The following HERC2 variants were observed in gnomAD, a reference collection of about 807,000 sequenced individuals.
HERC2 encodes HECT and RLD domain containing E3 ubiquitin protein ligase 2.
Under a neutral mutation model 537.7 loss-of-function variants are expected in HERC2, and 102 were observed. The observed-to-expected ratio is 0.19, with a 90% CI of 0.16 to 0.22. HERC2 has a LOEUF of 0.22. Among genes scored for constraint, HERC2 ranks in the 10% least tolerant of loss-of-function variants. The probability of loss-of-function intolerance (pLI) is 1.00; values close to 1 mark genes in which losing one functional copy is unlikely to be tolerated. For synonymous variants in HERC2, 2,224 were observed against 2,466.2 expected (o/e 0.90, Z 2.91); for missense variants, 4,236 against 6,198.2 (o/e 0.68, Z 10.63).
chr15:28,231,975 G>A lies in HERC2; in HGVS notation c.4675+1171C>T, dbSNP rs186708756. 9.9e-3 allele frequency among the ~76,000 whole-genome samples: 1,500 copies of A among 152,248 alleles called. 10 individuals carry two copies. The highest frequency in any genetic ancestry group is 0.015 in the Non-Finnish European group (989 of 68,022). ...ATGTGGAGTCTCTCTCCCTCATGCC[G>A]AGGCAGCCTGTCTCCTGGGCCCAGG... On this transcript the variant is annotated intron_variant, in intron 30 of 92. Transcript: ENST00000261609.
At chr15:28,233,057 T>C in intron 30 of HERC2, 89 bp downstream of exon 30, 5 of 943,524 alleles carry the variant, frequency 5.3e-6, no homozygotes, top group East Asian at 4.8e-5. Flanking sequence ...GAATCAACAG[T>C]AGAGAAACTT....
rs187941786 is a variant in HERC2, at chr15:28,317,978, A to T, written c.72+3384T>A. ...GTGCCACTTAAAAAAGAACACAAAA[A>T]TAGAAACTGTAGGAAATTCATCTGA... On this transcript the variant is annotated intron_variant, in intron 2 of 92. Transcript: ENST00000261609. Among the ~76,000 whole-genome samples the T allele has an allele frequency of 1.8e-4, 28 of 152,304 alleles. No individual in the cohort carries two copies. In the East Asian group the frequency reaches 5.0e-3, roughly 27 times the overall value.
chr15:28,300,746 C>A (rs1292960874), intron 2 of HERC2, among the ~76,000 whole-genome samples: 1 of 126,962 alleles, frequency 7.9e-6, no homozygotes, highest in Non-Finnish European at 1.6e-5. Flanking sequence ...TAGCATGAAC[C>A]CAGGAGGCAG....
Position 28,175,540 on chromosome 15 carries a change from T to G in HERC2, c.9803A>C (p.His3268Pro). ...CCCCGAGTCCGTGACCGCCAGGCAG[T>G]GCAGGGCCCCGACAGCCACATGCAC... The part of the protein sequence containing the change: ...KIVHVAVGAL[H>P]CLAVTDSGQV... Residue 3268 changes from histidine (H) to proline (P), a missense_variant, in exon 64 of 93, where the codon CAC becomes CCC. By Grantham distance (77) the His-to-Pro change is moderately conservative. Coordinates refer to ENST00000261609, the MANE Select transcript of HERC2 (RefSeq NM_004667.6). 1 of 1,613,594 alleles carries G rather than the reference T, an allele frequency of 6.2e-7. No homozygotes were observed. Among genetic ancestry groups the G allele is most frequent in the Non-Finnish European group, 8.5e-7 (1 of 1,179,802 alleles).
chr15:28,111,962 G>A lies in HERC2; in HGVS notation c.14306C>T (p.Pro4769Leu), dbSNP rs1243218270. 6.2e-7 allele frequency: 1 copy of A among 1,614,112 alleles called. No individual in the cohort carries two copies. The highest frequency in any genetic ancestry group is 8.5e-7 in the Non-Finnish European group (1 of 1,180,016). ...CAGCACCTGCTTGCAGGAATACCTGGGCAGCTTCAGCAAGAAGAAACAGGT... is the reference window on the plus strand; with the variant it reads ...CAGCACCTGCTTGCAGGAATACCTGAGCAGCTTCAGCAAGAAGAAACAGGT... Reference protein sequence around the residue: ...SYTCFFLLKLPRYSCKQVLEE... With the variant: ...SYTCFFLLKLLRYSCKQVLEE... Residue 4769 changes from proline (P) to leucine (L), a missense_variant, in exon 93 of 93, where the codon CCC becomes CTC. By Grantham distance (98) the Pro-to-Leu change is moderately conservative. Coordinates refer to ENST00000261609, the MANE Select transcript of HERC2 (RefSeq NM_004667.6).
At position 28,135,530 on chromosome 15, in the gene HERC2, C is replaced by G. The variant is rs1453368919; in HGVS notation, c.12178G>C (p.Val4060Leu). The G allele has an allele frequency of 6.2e-7, 1 of 1,614,068 alleles. No individual in the cohort carries two copies. Among genetic ancestry groups the G allele is most frequent in the Non-Finnish European group, 8.5e-7 (1 of 1,180,022 alleles). Residue 4060 changes from valine (V) to leucine (L), a missense_variant, in exon 79 of 93, where the codon GTT becomes CTT. Coordinates refer to ENST00000261609, the MANE Select transcript of HERC2 (RefSeq NM_004667.6). ...TCTTCTGCCTCACCCCAAGAGTAAA[C>G]TTCTCCTTCTGAAGACAGGGCAAGG... Reference protein sequence around the residue: ...HCLALSSEGEVYSWGEAEDGK... With the variant: ...HCLALSSEGELYSWGEAEDGK...
chr15:28,261,687 G>A (rs16950949), intron 15 of HERC2, among the ~76,000 whole-genome samples: 12,712 of 152,178 alleles, frequency 0.084, 985 homozygotes, highest in East Asian at 0.29. Context: ...ATATAAACAA[G>A]AAGGCAAATG....
intron 38 of HERC2, among the ~76,000 whole-genome samples, chr15:28,216,085 C>T (rs1336796066): frequency 6.6e-6 from 1 of 152,006 alleles, no homozygotes; most frequent in Admixed American, 6.6e-5. Flanking sequence ...AAGTGATTCT[C>T]CTGCCTTGCC....
At chr15:28,194,215 G>A (rs1248005315) in intron 52 of HERC2, among the ~76,000 whole-genome samples, 3 of 149,790 alleles carry the variant, frequency 2.0e-5, no homozygotes, top group Non-Finnish European at 4.4e-5. Flanking sequence ...ACAGGCGCCC[G>A]CCACCACGCC....
At chr15:28,188,120 A>C (rs1013228319) in intron 55 of HERC2, among the ~76,000 whole-genome samples, 4 of 152,192 alleles carry the variant, frequency 2.6e-5, no homozygotes, top group Admixed American at 6.5e-5. Flanking sequence ...TTCTTTAGCA[A>C]GAAAAAAAAC....
At chr15:28,264,388 G>A (rs891856564) in intron 14 of HERC2, among the ~76,000 whole-genome samples, 3 of 152,158 alleles carry the variant, frequency 2.0e-5, no homozygotes, top group East Asian at 3.9e-4. Flanking sequence ...CAATGAAAGC[G>A]GCACAGCAGA....
chr15:28,306,465 C>T (rs567838592), intron 2 of HERC2, among the ~76,000 whole-genome samples: 10 of 152,276 alleles, frequency 6.6e-5, no homozygotes, highest in East Asian at 5.8e-4. Flanking sequence ...TTGTTGAATT[C>T]GGTTTGCTGG....
In HERC2 at chr15:28,279,991, C is replaced by G. The variant is rs987518107; in HGVS notation, c.542+77G>C. 4 of 1,181,608 alleles carry G rather than the reference C, an allele frequency of 3.4e-6. No homozygotes were observed. In the Admixed American group the frequency reaches 6.7e-5, roughly 20 times the overall value. The allele number at this position is 1,181,608 out of a possible 1,614,324, so 73.2% of individuals were successfully genotyped here. ...GGTGAAGACAGCCTATATTGAAAAC[C>G]TTAAACTTTCTGAAACAAAACAGTC... On this transcript the variant is annotated intron_variant, in intron 5 of 92. Transcript: ENST00000261609.
At chr15:28,139,784 G>C (rs1311589788) in intron 78 of HERC2, among the ~76,000 whole-genome samples, 1 of 152,054 alleles carries the variant, frequency 6.6e-6, no homozygotes, top group Non-Finnish European at 1.5e-5. Context: ...ACATTGGCCG[G>C]GCACGGTAGC....
chr15:28,139,365 C>G (rs1221666196), intron 78 of HERC2, among the ~76,000 whole-genome samples: 1 of 152,208 alleles, frequency 6.6e-6, no homozygotes, highest in Admixed American at 6.5e-5. Flanking sequence ...TCAGCTGCCA[C>G]CCTGTGAGAC....
chr15:28,314,744 C>T (rs2077036525), intron 2 of HERC2, among the ~76,000 whole-genome samples: 1 of 151,870 alleles, frequency 6.6e-6, no homozygotes, highest in African/African-American at 2.4e-5. Flanking sequence ...GCCTGTAATC[C>T]CAGCTACTCC....
intron 5 of HERC2, among the ~76,000 whole-genome samples, chr15:28,279,623 A>ACACACG (rs991899770): frequency 1.3e-5 from 2 of 150,118 alleles, no homozygotes; most frequent in African/African-American, 5.0e-5. Flanking sequence ...CTCCACACAC[A>ACACACG]CACACACACA....
At chr15:28,115,906 A>ACACC (rs1425670691) in intron 88 of HERC2, among the ~76,000 whole-genome samples, 2 of 152,192 alleles carry the variant, frequency 1.3e-5, no homozygotes, top group East Asian at 3.9e-4. Context: ...ACAGCCGAGG[A>ACACC]CACCCTGCAC....
At chr15:28,170,351 AG>A (rs1291289255) in intron 65 of HERC2, among the ~76,000 whole-genome samples, 1 of 152,240 alleles carries the variant, frequency 6.6e-6, no homozygotes, top group Admixed American at 6.5e-5. Flanking sequence ...CAGAGAACCC[AG>A]AAACAGAACC....
Sources: allele counts gnomAD v4.1 joint callset (sites outside exome capture counted in the v4.1 genomes callset), GRCh38; gene constraint gnomAD v4.1.1; transcripts MANE v1.5; gene names NCBI Gene and HGNC (gene_info 2026-07-23, HGNC 2026-07-21).